Variants in CENPK observed in about 807,000 individuals in gnomAD.
The protein encoded by CENPK is centromere protein K.
A neutral mutation model predicts 40.9 loss-of-function variants in CENPK; 46 were observed. The observed-to-expected ratio is 1.13, with a 90% CI of 0.89 to 1.44. CENPK has a LOEUF of 1.44. Ranked by LOEUF, CENPK falls within the 40% of genes most tolerant of loss-of-function variation. CENPK has a pLI of 0.00. For missense variants in CENPK, 288 were observed against 303.5 expected (o/e 0.95, Z 0.38); for synonymous variants, 107 against 104.4 (o/e 1.02, Z -0.15).
At chr5:65,544,366 T>A (rs1748517708) in intron 5 of CENPK, among the ~76,000 whole-genome samples, 1 of 152,186 alleles carries the variant, frequency 6.6e-6, no homozygotes, top group African/African-American at 2.4e-5. Context: ...AGACAGCTAC[T>A]ATCAAAAAAA....
the CENPK span, among the ~76,000 whole-genome samples, chr5:65,506,712 T>C: frequency 6.6e-6 from 1 of 151,468 alleles, no homozygotes; most frequent in African/African-American, 2.4e-5. Flanking sequence ...TTGAATCCGA[T>C]AAGAGGAGAT....
At chr5:65,557,801 T>C (rs1035245761) in intron 2 of CENPK, among the ~76,000 whole-genome samples, 1 of 152,200 alleles carries the variant, frequency 6.6e-6, no homozygotes, top group Non-Finnish European at 1.5e-5. Flanking sequence ...TTTCTTGGAG[T>C]AAACATACAA....
At chr5:65,540,656 C>T (rs1747798573) in intron 6 of CENPK, among the ~76,000 whole-genome samples, 1 of 152,130 alleles carries the variant, frequency 6.6e-6, no homozygotes, top group Non-Finnish European at 1.5e-5. Context: ...TTCCATAAAA[C>T]CCCAAAAGAA....
chr5:65,509,011 C>T, the CENPK span, among the ~76,000 whole-genome samples: 1 of 152,048 alleles, frequency 6.6e-6, no homozygotes, highest in African/African-American at 2.4e-5. Flanking sequence ...TGTAAACATA[C>T]ATTTAAGAAA....
chr5:65,548,583 C>G (rs1749424528), intron 5 of CENPK, among the ~76,000 whole-genome samples: 1 of 152,184 alleles, frequency 6.6e-6, no homozygotes, highest in African/African-American at 2.4e-5. Flanking sequence ...AGCAGAACTT[C>G]TTTCAAAATT....
At chr5:65,516,877 T>C (rs552856513), downstream of CENPK, among the ~76,000 whole-genome samples, 2 of 152,308 alleles carry the variant, frequency 1.3e-5, no homozygotes, top group African/African-American at 4.8e-5. Context: ...TGGAAGCATA[T>C]TGACATACCC....
chr5:65,502,645 C>G, the CENPK span, among the ~76,000 whole-genome samples: 4 of 152,136 alleles, frequency 2.6e-5, no homozygotes, highest in East Asian at 7.7e-4. Context: ...GGGTCTCACT[C>G]TGTCACCCAG....
intron 6 of CENPK, among the ~76,000 whole-genome samples, chr5:65,531,777 C>T (rs1335796102): frequency 1.3e-5 from 2 of 152,138 alleles, no homozygotes; most frequent in Non-Finnish European, 2.9e-5. Flanking sequence ...GCTGGGATTA[C>T]AGGCGTGAGC....
the CENPK span, among the ~76,000 whole-genome samples, chr5:65,509,047 A>G: frequency 6.6e-6 from 1 of 152,146 alleles, no homozygotes; most frequent in South Asian, 2.1e-4. Context: ...ATACAAAAAA[A>G]CTCTTAAAAC....
At chr5:65,533,138 T>A (rs561868835) in intron 6 of CENPK, among the ~76,000 whole-genome samples, 1 of 151,718 alleles carries the variant, frequency 6.6e-6, no homozygotes, top group African/African-American at 2.4e-5. Flanking sequence ...GGACCTGAGG[T>A]TAAGAGTTCA....
At chr5:65,504,596 T>G in the CENPK span, among the ~76,000 whole-genome samples, 1 of 152,180 alleles carries the variant, frequency 6.6e-6, no homozygotes, top group African/African-American at 2.4e-5. Context: ...AAAAAATTGC[T>G]GTTTTTTTTC....
intron 9 of CENPK, among the ~76,000 whole-genome samples, chr5:65,522,311 G>C (rs895194016): frequency 2.0e-5 from 3 of 152,142 alleles, no homozygotes; most frequent in African/African-American, 7.2e-5. Context: ...GGAACGACGA[G>C]AATAAATCTC....
At chr5:65,525,947 T>C (rs1201150586) in intron 9 of CENPK, among the ~76,000 whole-genome samples, 1 of 152,298 alleles carries the variant, frequency 6.6e-6, no homozygotes, top group South Asian at 2.1e-4. Flanking sequence ...ACCCAGTCTG[T>C]GGTATTTTGT....
At chr5:65,509,728 T>C in the CENPK span, among the ~76,000 whole-genome samples, 1 of 152,210 alleles carries the variant, frequency 6.6e-6, no homozygotes, top group Non-Finnish European at 1.5e-5. Flanking sequence ...ATATTGTCTG[T>C]TGTACAAATG....
chr5:65,530,101 C>T (rs1745510301), intron 6 of CENPK, among the ~76,000 whole-genome samples: 1 of 151,502 alleles, frequency 6.6e-6, no homozygotes, highest in Admixed American at 6.6e-5. Flanking sequence ...CCACGCCCGG[C>T]CCCAGGTACC....
At chr5:65,510,966 C>G in the CENPK span, among the ~76,000 whole-genome samples, 2 of 152,122 alleles carry the variant, frequency 1.3e-5, no homozygotes, top group Admixed American at 1.3e-4. Context: ...AAGAGGGCCC[C>G]ATAAGATGCA....
At chr5:65,539,527 C>T (rs1208716522) in intron 6 of CENPK, among the ~76,000 whole-genome samples, 1 of 152,170 alleles carries the variant, frequency 6.6e-6, no homozygotes, top group Non-Finnish European at 1.5e-5. Context: ...ATCTTAAGGC[C>T]CAAGAATAAT....
the CENPK span, among the ~76,000 whole-genome samples, chr5:65,509,949 T>TA: frequency 6.6e-6 from 1 of 152,216 alleles, no homozygotes; most frequent in Admixed American, 6.5e-5. Context: ...ACAGCAAACT[T>TA]AAATAATAAA....
chr5:65,519,773 G>A (rs1464208232), intron 10 of CENPK, among the ~76,000 whole-genome samples: 2 of 152,016 alleles, frequency 1.3e-5, no homozygotes, highest in Admixed American at 6.6e-5. Context: ...CAGGAAAAAA[G>A]CTTTGGCCTC....
Sources: allele counts gnomAD v4.1 joint callset (sites outside exome capture counted in the v4.1 genomes callset), GRCh38; gene constraint gnomAD v4.1.1; transcripts MANE v1.5; gene names NCBI Gene and HGNC (gene_info 2026-07-23, HGNC 2026-07-21).